NELL1: variants seen among roughly 807,000 people sequenced by gnomAD.
NELL1 encodes protein kinase C-binding protein NELL1.
In NELL1, 76 loss-of-function variants were observed where a neutral mutation model predicts 107.4. That is an observed-to-expected ratio of 0.71 (90% CI 0.59 to 0.86). The LOEUF (loss-of-function observed/expected upper bound fraction) is 0.86, where lower values mean the gene tolerates loss of function less well. Ranked by LOEUF, NELL1 falls within the 40% of genes least tolerant of loss-of-function variation. NELL1 has a pLI of 0.00. For synonymous variants in NELL1, 353 were observed against 341.2 expected (o/e 1.03, Z -0.38); for missense variants, 1,024 against 1,005.5 (o/e 1.02, Z -0.25).
In NELL1 at chr11:21,032,663, A is replaced by T. The variant is rs566860992; in HGVS notation, c.1300+72103A>T. On this transcript the variant is annotated intron_variant, in intron 12 of 19. Transcript: ENST00000357134. ...CCAGCCTCTCAAAGTGCTTGGATAC[A>T]GGCATGAGCCACTGTACCCAGCCGA... Among the ~76,000 whole-genome samples, 3 of 152,328 alleles carry T rather than the reference A, an allele frequency of 2.0e-5. No homozygotes were observed. The East Asian group carries it at 5.8e-4, about 29-fold the overall frequency.
intron 14 of NELL1, among the ~76,000 whole-genome samples, chr11:21,351,820 CAG>C (rs942109997): frequency 2.0e-5 from 3 of 152,138 alleles, no homozygotes; most frequent in African/African-American, 7.2e-5. Flanking sequence ...ACACGTTAGT[CAG>C]AGAGAGCGTC....
chr11:21,050,279 C>CTT (rs11405269), intron 12 of NELL1, among the ~76,000 whole-genome samples: 7 of 151,558 alleles, frequency 4.6e-5, no homozygotes, highest in South Asian at 4.2e-4. Context: ...CCGCCCCCCA[C>CTT]TTTTTTTTAA....
intron 3 of NELL1, among the ~76,000 whole-genome samples, chr11:20,811,361 T>G (rs1857498406): frequency 6.6e-6 from 1 of 152,158 alleles, no homozygotes; most frequent in African/African-American, 2.4e-5. Context: ...TGTAGTATGT[T>G]TTGAAGTGAG....
chr11:20,878,491 T>C (rs1849349587), intron 4 of NELL1, among the ~76,000 whole-genome samples: 1 of 152,000 alleles, frequency 6.6e-6, no homozygotes. Flanking sequence ...AGATTCAAAT[T>C]TTCTATCTCT....
chr11:20,791,921 T>G (rs150685868), intron 3 of NELL1, among the ~76,000 whole-genome samples: 1 of 152,154 alleles, frequency 6.6e-6, no homozygotes, highest in East Asian at 1.9e-4. Context: ...TACTAACTGA[T>G]TTTCAGAAAG....
intron 14 of NELL1, among the ~76,000 whole-genome samples, chr11:21,336,670 T>TACACACACACACACAC (rs374935775): frequency 4.5e-3 from 429 of 95,832 alleles, no homozygotes; most frequent in African/African-American, 0.014. Context: ...TATATATATA[T>TACACACACACACACAC]ATATACACAC....
At chr11:21,405,914 G>A (rs1468825926) in intron 15 of NELL1, among the ~76,000 whole-genome samples, 1 of 151,892 alleles carries the variant, frequency 6.6e-6, no homozygotes, top group Admixed American at 6.6e-5. Flanking sequence ...TGCTTGCTAG[G>A]CCAGAATGGA....
At chr11:21,116,959 A>G (rs1168724862) in intron 13 of NELL1, among the ~76,000 whole-genome samples, 1 of 152,014 alleles carries the variant, frequency 6.6e-6, no homozygotes, top group East Asian at 1.9e-4. Flanking sequence ...TTCTTATTTC[A>G]ATATATAACC....
chr11:21,572,367 A>G (rs920599192), intron 18 of NELL1, among the ~76,000 whole-genome samples: 2 of 151,628 alleles, frequency 1.3e-5, no homozygotes, highest in African/African-American at 4.9e-5. Context: ...AATATTCAAG[A>G]CTTTTCATGT....
chr11:20,940,817 C>A (rs764745404), intron 10 of NELL1, among the ~76,000 whole-genome samples: 6 of 152,156 alleles, frequency 3.9e-5, no homozygotes, highest in Admixed American at 3.9e-4. Context: ...CATAATAAGA[C>A]TTTGTGATAT....
intron 15 of NELL1, among the ~76,000 whole-genome samples, chr11:21,454,136 A>T (rs7117756): frequency 0.74 from 100,266 of 134,640 alleles, 38,827 homozygotes; most frequent in South Asian, 0.89. Flanking sequence ...TGTCCATGTG[A>T]TCTCATTGTT....
rs547894089 is a variant in NELL1 at position 21,125,240 on chromosome 11, C to A, written c.1426+11526C>A. Among the ~76,000 whole-genome samples, 4 of 152,224 alleles carry A rather than the reference C, an allele frequency of 2.6e-5. No individual in the cohort carries two copies. In the South Asian group the frequency reaches 6.2e-4, roughly 24 times the overall value. ...AGATACTAAGGGGAGCCTGAAAAGA[C>A]CCAGTATTTCCATAGGAAAGCAACC... is the stretch of plus-strand genomic sequence containing the variant. On this transcript the variant is annotated intron_variant, in intron 13 of 19. Transcript: ENST00000357134.
intron 3 of NELL1, among the ~76,000 whole-genome samples, chr11:20,831,283 A>G (rs1590333737): frequency 6.6e-6 from 1 of 152,220 alleles, no homozygotes; most frequent in East Asian, 1.9e-4. Flanking sequence ...GGGGCTTACT[A>G]GAAATGCCAT....
At chr11:21,508,446 A>G (rs1358943151) in intron 15 of NELL1, among the ~76,000 whole-genome samples, 1 of 152,168 alleles carries the variant, frequency 6.6e-6, no homozygotes, top group Admixed American at 6.5e-5. Context: ...ACAATGAGGA[A>G]ATGTATATTG....
chr11:21,282,763 GAAGCAATGT>G (rs1849026738), intron 14 of NELL1, among the ~76,000 whole-genome samples: 1 of 152,092 alleles, frequency 6.6e-6, no homozygotes, highest in Non-Finnish European at 1.5e-5. Context: ...CCAAGATATT[GAAGCAATGT>G]AAGTGTCCAT....
chr11:20,870,398 G>A (rs762456794), intron 4 of NELL1, among the ~76,000 whole-genome samples: 6 of 151,116 alleles, frequency 4.0e-5, no homozygotes, highest in African/African-American at 7.3e-5. Flanking sequence ...TAAAGGAGTC[G>A]CCTGTGTGTC....
chr11:21,066,535 CTG>C (rs764282703), intron 12 of NELL1, among the ~76,000 whole-genome samples: 20 of 152,324 alleles, frequency 1.3e-4, no homozygotes, highest in Admixed American at 9.8e-4. Context: ...TTATTTCTCT[CTG>C]TGTTCATCAG....
chr11:20,887,833 C>T (rs1849540918), intron 5 of NELL1, among the ~76,000 whole-genome samples: 2 of 152,034 alleles, frequency 1.3e-5, no homozygotes, highest in Admixed American at 1.3e-4. Flanking sequence ...TGATGTAGAC[C>T]TCAAAGGATG....
intron 14 of NELL1, among the ~76,000 whole-genome samples, chr11:21,321,114 A>G (rs750478329): frequency 3.3e-5 from 5 of 152,194 alleles, no homozygotes; most frequent in Non-Finnish European, 7.3e-5. Flanking sequence ...ATCACAGGAC[A>G]TGATATTTTC....
Sources: allele counts gnomAD v4.1 joint callset (sites outside exome capture counted in the v4.1 genomes callset), GRCh38; gene constraint gnomAD v4.1.1; transcripts MANE v1.5; gene names NCBI Gene and HGNC (gene_info 2026-07-23, HGNC 2026-07-21).